The following EIF2B2 variants were observed in gnomAD, a reference collection of about 807,000 sequenced individuals.
EIF2B2 encodes eukaryotic translation initiation factor 2B subunit beta.
Under a neutral mutation model 34.7 loss-of-function variants are expected in EIF2B2, and 34 were observed. That is an observed-to-expected ratio of 0.98 (90% confidence interval 0.75 to 1.31). EIF2B2 has a LOEUF of 1.31. EIF2B2 is among the 50% of genes most tolerant of loss of function. EIF2B2 has a pLI of 0.00. For synonymous variants in EIF2B2, 155 were observed against 171.6 expected (o/e 0.90, Z 0.76); for missense variants, 361 against 447.7 (o/e 0.81, Z 1.75).
chr14:75,003,206 C>T (rs1889566445), intron 1 of EIF2B2, 53 bp downstream of exon 1: 37 of 1,613,274 alleles, frequency 2.3e-5, no homozygotes, highest in South Asian at 4.4e-5. Context: ...GTTCCCGATC[C>T]CAGGGCTGAA....
rs1889624206 is a variant in EIF2B2, at chr14:75,006,218, G to A, written c.693+257G>A. 9.7e-6 allele frequency: 5 copies of A among 516,992 alleles called. No homozygotes were observed. Among genetic ancestry groups the A allele is most frequent in the Non-Finnish European group, 1.4e-5 (4 of 287,284 alleles). 32.0% of individuals were successfully genotyped at this position (516,992 alleles called of 1,614,324 possible). ...TATTAAATAGAACTAAGGCAAGAGT[G>A]TCAGTTTCTAGGGATTGGCTACAGG... On this transcript the variant is annotated intron_variant, in intron 5 of 7. Transcript: ENST00000266126. The surrounding 1 kb of genome is among the most constrained non-coding windows in gnomAD (Gnocchi z 4.1).
At position 75,004,818 on chromosome 14, in the gene EIF2B2, G is replaced by A. The variant is rs899125257; in HGVS notation, c.515G>A (p.Arg172Gln). The change falls in exon 4 of 8, where the codon CGA (arginine) becomes CAA (glutamine). Residue 172 changes from arginine (R) to glutamine (Q), a missense_variant. Arg to Gln is a conservative substitution (Grantham distance 43, BLOSUM62 1). Coordinates refer to ENST00000266126, the MANE Select transcript of EIF2B2 (RefSeq NM_014239.4). ...GTGATCATGACCATTGGCTTCTCCCGAACAGTAGAGGCCTTCCTCAAAGAG... is the reference window on the plus strand; with the variant it reads ...GTGATCATGACCATTGGCTTCTCCCAAACAGTAGAGGCCTTCCTCAAAGAG... Reference protein sequence around the residue: ...NEVIMTIGFSRTVEAFLKEAA... With the variant: ...NEVIMTIGFSQTVEAFLKEAA... The A allele has an allele frequency of 3.7e-6, 6 of 1,610,238 alleles. No homozygotes were observed. Among genetic ancestry groups the A allele is most frequent in the East Asian group, 2.2e-5 (1 of 44,818 alleles).
chr14:75,009,715 C>T lies in EIF2B2; in HGVS notation c.*527C>T, dbSNP rs117738433. The T allele has an allele frequency of 0.012, 2,018 of 164,438 alleles. 26 individuals are homozygous for T. Among genetic ancestry groups the T allele is most frequent in the South Asian group, 0.027 (171 of 6,284 alleles). The allele number at this position is 164,438 out of a possible 1,614,324, so 10.2% of individuals were successfully genotyped here. A position where few individuals can be genotyped will look rare whatever the true frequency, so the allele number is the denominator to read the frequency against. On this transcript the variant is annotated 3_prime_UTR_variant, in exon 8 of 8. Coordinates refer to ENST00000266126, the MANE Select transcript of EIF2B2 (RefSeq NM_014239.4). ...AAGTGTACAACATGGTAGTACTGGC[C>T]AGATGCAGTGGCTCCCACTTGTAAT...
In EIF2B2 at chr14:75,010,167, T is replaced by G. The variant is rs1252380414; in HGVS notation, c.*979T>G. ...ATCACTCACTCACACAGTCTTGGGT[T>G]TCATCTCAGTCCTACTGCATCTGAT... On this transcript the variant is annotated 3_prime_UTR_variant, in exon 8 of 8. Transcript: ENST00000266126. The G allele has an allele frequency of 6.6e-6, 1 of 152,300 alleles. No homozygotes were observed. The highest frequency in any genetic ancestry group is 1.9e-4 in the East Asian group (1 of 5,186). The allele number at this position is 152,300 out of a possible 1,614,324, so 9.4% of individuals were successfully genotyped here.
rs1395905182 is a variant in EIF2B2, at chr14:75,010,015, T to TA, written c.*829dup. 1 of 152,096 alleles carries TA rather than the reference T, an allele frequency of 6.6e-6. No individual in the cohort carries two copies. Among genetic ancestry groups the TA allele is most frequent in the Non-Finnish European group, 1.5e-5 (1 of 68,024 alleles). The allele number at this position is 152,096 out of a possible 1,614,324, so 9.4% of individuals were successfully genotyped here. ...GAGCAAGACTCTGTCTCTAAAAAAA[T>TA]AACAAGTACAAATGAAAGTATAGTT... is the stretch of plus-strand genomic sequence containing the variant. On this transcript the variant is annotated 3_prime_UTR_variant, in exon 8 of 8. Coordinates refer to ENST00000266126, the MANE Select transcript of EIF2B2 (RefSeq NM_014239.4).
In EIF2B2 at chr14:75,009,020, T is replaced by G. The variant is rs78900727; in HGVS notation, c.899-11T>G. 646 of 1,614,114 alleles carry G rather than the reference T, an allele frequency of 4.0e-4. 4 individuals carry two copies. In the East Asian group the frequency reaches 0.014, roughly 35 times the overall value. ...TCAGTTTTACCTTTAGCATGTGTGC[T>G]TGCCTTTCAGGGGACATTCTGGAGA... On this transcript the variant is annotated splice_polypyrimidine_tract_variant and intron_variant, in intron 7 of 7. Coordinates refer to ENST00000266126, the MANE Select transcript of EIF2B2 (RefSeq NM_014239.4).
chr14:75,004,806 T>C lies in EIF2B2; in HGVS notation c.503T>C (p.Ile168Thr), dbSNP rs1160023214. 5 of 1,609,726 alleles carry C rather than the reference T, an allele frequency of 3.1e-6. No homozygotes were observed. Among genetic ancestry groups the C allele is most frequent in the South Asian group, 1.1e-5 (1 of 90,888 alleles). Residue 168 changes from isoleucine (I) to threonine (T), a missense_variant, in exon 4 of 8, where the codon ATT becomes ACT. Ile to Thr is a moderately conservative substitution (Grantham distance 89). Transcript: ENST00000266126. ...HIHSNEVIMT[I>T]GFSRTVEAFL... is the part of the protein sequence containing the mutation. ...CACTCCAATGAGGTGATCATGACCATTGGCTTCTCCCGAACAGTAGAGGCC... is the reference window on the plus strand; with the variant it reads ...CACTCCAATGAGGTGATCATGACCACTGGCTTCTCCCGAACAGTAGAGGCC...
chr14:75,009,297 C>A lies in EIF2B2; in HGVS notation c.*109C>A. The A allele has an allele frequency of 7.2e-7, 1 of 1,383,372 alleles. No homozygotes were observed. Among genetic ancestry groups the A allele is most frequent in the Admixed American group, 1.8e-5 (1 of 57,048 alleles). 85.7% of individuals were successfully genotyped at this position (1,383,372 alleles called of 1,614,324 possible). ...TGCAATGTGGGAGTGCACAGGAGTC[C>A]ACCTAAAAAAAAAATCCTTGATACT... On this transcript the variant is annotated 3_prime_UTR_variant, in exon 8 of 8. Coordinates refer to ENST00000266126, the MANE Select transcript of EIF2B2 (RefSeq NM_014239.4).
In EIF2B2 at chr14:75,006,592, A is replaced by C; in HGVS notation, c.709A>C (p.Lys237Gln). 2 of 1,614,154 alleles carry C rather than the reference A, an allele frequency of 1.2e-6. No homozygotes were observed. The highest frequency in any genetic ancestry group is 8.5e-7 in the Non-Finnish European group (1 of 1,180,032). ...TGTCCCAAAGGTGATCATTGGCACG[A>C]AGACCATCCTGGCCAATGGGGCCCT... is the stretch of plus-strand genomic sequence containing the variant. ...SRVNKVIIGT[K>Q]TILANGALRA... Residue 237 changes from lysine (K) to glutamine (Q), a missense_variant, in exon 6 of 8, where the codon AAG (lysine) becomes CAG (glutamine). By Grantham distance (53) the Lys-to-Gln change is moderately conservative. Transcript: ENST00000266126. The surrounding 1 kb of genome is among the most constrained non-coding windows in gnomAD (Gnocchi z 4.1).
rs2139251177 is a variant in EIF2B2 at position 75,003,761 on chromosome 14, T to C, written c.433+62T>C. ...ACAGGCACATAAGGGAACAGAAGCC[T>C]CTGAAGGTTGTTCATTAGCAGAGAT... On this transcript the variant is annotated intron_variant, in intron 3 of 7. Transcript: ENST00000266126. 2.5e-6 allele frequency: 4 copies of C among 1,606,700 alleles called. No homozygotes were observed. In the South Asian group the frequency reaches 4.4e-5, roughly 18 times the overall value.
At chr14:75,003,243 G>C in intron 1 of EIF2B2, 32 bp from the exon 2 acceptor site, 1 of 1,613,340 alleles carries the variant, frequency 6.2e-7, no homozygotes, top group Non-Finnish European at 8.5e-7. Flanking sequence ...CTTCGCGTTG[G>C]CTCCTCTTAT....
rs1337885870 is a variant in EIF2B2 at position 75,011,513 on chromosome 14, G to A, written c.*2325G>A. Reference sequence around the variant, plus strand: ...ACATTTTGGTTAACACTGGGCAGAGGTAGGTTCTGAGGGAAAGGTCTCTAT... The same window carrying A: ...ACATTTTGGTTAACACTGGGCAGAGATAGGTTCTGAGGGAAAGGTCTCTAT... On this transcript the variant is annotated 3_prime_UTR_variant, in exon 8 of 8. Transcript: ENST00000266126. 1 of 152,182 alleles carries A rather than the reference G, an allele frequency of 6.6e-6. No individual in the cohort carries two copies. Among genetic ancestry groups the A allele is most frequent in the Non-Finnish European group, 1.5e-5 (1 of 68,046 alleles). The allele number at this position is 152,182 out of a possible 1,614,324, so 9.4% of individuals were successfully genotyped here. A position where few individuals can be genotyped will look rare whatever the true frequency, so the allele number is the denominator to read the frequency against.
Position 75,007,778 on chromosome 14 carries a change from AT to A in EIF2B2, c.890del (p.Phe297SerfsTer43), listed in dbSNP as rs773041356. 1.4e-5 allele frequency: 22 copies of A among 1,613,814 alleles called. No homozygotes were observed. The Admixed American group carries it at 1.8e-4, about 13-fold the overall frequency. ...KFVAPEEVLP[F>X]TEGDILEKVS... ...TTGTGGCTCCTGAAGAAGTCCTGCC[AT>A]TCACAGAAGGTACAGAAGCTGTGTG... On this transcript the variant is annotated frameshift_variant, in exon 7 of 8. Coordinates refer to ENST00000266126, the MANE Select transcript of EIF2B2 (RefSeq NM_014239.4). LOFTEE classifies it high-confidence loss of function.
chr14:75,004,154 T>C (rs1889584901), intron 3 of EIF2B2, among the ~76,000 whole-genome samples: 1 of 152,236 alleles, frequency 6.6e-6, no homozygotes. Flanking sequence ...TTTTTTCTTC[T>C]CTGGCCAGTC....
Position 75,011,834 on chromosome 14 carries a change from G to T in EIF2B2, c.*2646G>T, listed in dbSNP as rs1297018184. Reference sequence around the variant, plus strand: ...GGTTTGGAGTAAGAGCAGCAGTGAGGCAAGGAACTTAAATCTGTTCCTGGC... The same window carrying T: ...GGTTTGGAGTAAGAGCAGCAGTGAGTCAAGGAACTTAAATCTGTTCCTGGC... On this transcript the variant is annotated 3_prime_UTR_variant, in exon 8 of 8. Coordinates refer to ENST00000266126, the MANE Select transcript of EIF2B2 (RefSeq NM_014239.4). 2.0e-5 allele frequency: 3 copies of T among 152,144 alleles called. No individual in the cohort carries two copies. The highest frequency in any genetic ancestry group is 4.4e-5 in the Non-Finnish European group (3 of 68,030). 9.4% of individuals were successfully genotyped at this position (152,144 alleles called of 1,614,324 possible).
Position 75,003,057 on chromosome 14 carries a change from A to C in EIF2B2, c.67A>C (p.Lys23Gln), listed in dbSNP as rs772748876. ...GATCGAGAGCTTCGTGGAGACCCTG[A>C]AGCGGGGTGGTGGGCCGCGCAGCTC... The part of the protein sequence containing the change: ...ERIESFVETL[K>Q]RGGGPRSSEE... The change falls in exon 1 of 8, where the codon AAG (lysine) becomes CAG (glutamine). Residue 23 changes from lysine to glutamine, a missense_variant. Coordinates refer to ENST00000266126, the MANE Select transcript of EIF2B2 (RefSeq NM_014239.4). 3.1e-6 allele frequency: 5 copies of C among 1,614,060 alleles called. No homozygotes were observed. The South Asian group carries it at 4.4e-5, about 14-fold the overall frequency.
chr14:75,003,628 AT>A lies in EIF2B2; in HGVS notation c.365del (p.Phe122SerfsTer20). The A allele has an allele frequency of 6.2e-7, 1 of 1,614,170 alleles. No individual in the cohort carries two copies. Among genetic ancestry groups the A allele is most frequent in the Non-Finnish European group, 8.5e-7 (1 of 1,180,032 alleles). On this transcript the variant is annotated frameshift_variant, in exon 3 of 8. Transcript: ENST00000266126. LOFTEE classifies it high-confidence loss of function. Reference protein sequence around the residue: ...KLLTSGGLNEDFSFHYAQLQS... With the variant: ...KLLTSGGLNEXFSFHYAQLQS... ...TTGACATCCGGAGGCCTAAACGAGG[AT>A]TTCAGCTTCCATTATGCCCAACTCC... is the stretch of plus-strand genomic sequence containing the variant.
chr14:75,007,660 G>T, intron 6 of EIF2B2, 62 bp from the exon 7 acceptor site: 2 of 1,331,164 alleles, frequency 1.5e-6, no homozygotes, highest in Non-Finnish European at 1.1e-6. Flanking sequence ...TTCATCTCTA[G>T]GGTACATACC....
rs1182273278 is a variant in EIF2B2 at position 75,012,037 on chromosome 14, A to G, written c.*2849A>G. The G allele has an allele frequency of 1.3e-5, 2 of 152,186 alleles. No homozygotes were observed. Among genetic ancestry groups the G allele is most frequent in the Non-Finnish European group, 2.9e-5 (2 of 68,036 alleles). 9.4% of individuals were successfully genotyped at this position (152,186 alleles called of 1,614,324 possible). Reference sequence around the variant, plus strand: ...AACTGCAGGAATGCATACTTTTTAGAATCTTTATGACCCCAATTAAGTAAA... The same window carrying G: ...AACTGCAGGAATGCATACTTTTTAGGATCTTTATGACCCCAATTAAGTAAA... On this transcript the variant is annotated 3_prime_UTR_variant, in exon 8 of 8. Transcript: ENST00000266126.
Sources: gnomAD v4.1 joint callset for allele counts (sites outside exome capture counted in the v4.1 genomes callset) on GRCh38, gnomAD v4.1.1 for gene constraint, Gnocchi (gnomAD v3.1) non-coding constraint, MANE v1.5 for transcripts, NCBI Gene and HGNC (gene_info 2026-07-23, HGNC 2026-07-21) for gene names.